SRSF4: variants seen among roughly 807,000 people sequenced by gnomAD.
SRSF4 encodes the protein serine/arginine-rich splicing factor 4.
A neutral mutation model predicts 48.8 loss-of-function variants in SRSF4; 12 were observed. That is an observed-to-expected ratio of 0.25 (90% CI 0.16 to 0.40). The LOEUF is 0.40. SRSF4 is among the 10% of genes least tolerant of loss of function. SRSF4 has a pLI of 1.00. For synonymous variants in SRSF4, 248 were observed against 232.5 expected, an observed-to-expected ratio of 1.07 and a Z score of -0.61; for missense variants, 466 against 667.1, an observed-to-expected ratio of 0.70 and a Z score of 3.32.
chr1:29,148,789 C>T lies in SRSF4; in HGVS notation c.1106G>A (p.Arg369His), dbSNP rs769961673. ...RSREESRSRS[R>H]SRSKSERSRK... ...GCTCCTCTCACTCTTGCTGCGGCTG[C>T]GACTGCGACTGCGGCTCTCCTCTCT... Residue 369 changes from arginine to histidine, a missense_variant, in exon 6 of 6, where the codon CGC (arginine) becomes CAC (histidine). Arg to His is a conservative substitution (Grantham distance 29). This residue lies in a region of SRSF4 where 402 missense variants were observed against 437.0 expected (regional missense o/e 0.92). Coordinates refer to ENST00000373795, the MANE Select transcript of SRSF4 (RefSeq NM_005626.5). The T allele has an allele frequency of 8.7e-6, 14 of 1,612,440 alleles. No individual in the cohort carries two copies. Among genetic ancestry groups the T allele is most frequent in the Admixed American group, 3.3e-5 (2 of 59,814 alleles).
Position 29,181,797 on chromosome 1 carries a change from A to AGGC in SRSF4, c.-48_-46dup. On this transcript the variant is annotated 5_prime_UTR_variant, in exon 1 of 6. Coordinates refer to ENST00000373795, the MANE Select transcript of SRSF4 (RefSeq NM_005626.5). ...GCTGGCCCCGGCCCCAGCCCCCCTT[A>AGGC]GGCGGCGGCGGGCAAAGCGAGAGCA... is the stretch of plus-strand genomic sequence containing the variant. 6.7e-7 allele frequency: 1 copy of AGGC among 1,498,532 alleles called. No individual in the cohort carries two copies. Among genetic ancestry groups the AGGC allele is most frequent in the Non-Finnish European group, 8.9e-7 (1 of 1,123,840 alleles). 92.8% of individuals were successfully genotyped at this position (1,498,532 alleles called of 1,614,324 possible). A position where few individuals can be genotyped will look rare whatever the true frequency, so the allele number is the denominator to read the frequency against.
intron 1 of SRSF4, among the ~76,000 whole-genome samples, chr1:29,178,640 G>A (rs1027083120): frequency 3.9e-5 from 6 of 152,074 alleles, no homozygotes; most frequent in Non-Finnish European, 7.4e-5. Context: ...ACAGGCCACC[G>A]CGCCCGGCCT....
chr1:29,151,680 T>C (rs950585053), intron 4 of SRSF4, among the ~76,000 whole-genome samples: 7 of 152,318 alleles, frequency 4.6e-5, no homozygotes, highest in African/African-American at 1.4e-4. Context: ...AACATGAATA[T>C]GGCCTGGGCA....
At chr1:29,179,670 A>G (rs1672925187) in intron 1 of SRSF4, among the ~76,000 whole-genome samples, 1 of 152,188 alleles carries the variant, frequency 6.6e-6, no homozygotes, top group Non-Finnish European at 1.5e-5. Flanking sequence ...CCAGAAACCT[A>G]AATTTCTTCA....
chr1:29,159,667 C>A, intron 2 of SRSF4, 181 bp from the exon 3 acceptor site: 1 of 435,258 alleles, frequency 2.3e-6, no homozygotes, highest in Non-Finnish European at 4.1e-6. Context: ...TAAATATAAA[C>A]ATTTAATTTA....
chr1:29,154,499 G>A, intron 4 of SRSF4, 197 bp downstream of exon 4: 1 of 601,428 alleles, frequency 1.7e-6, no homozygotes, highest in Non-Finnish European at 2.8e-6. Flanking sequence ...TGATTTCTAA[G>A]AGAAGGGACT....
chr1:29,149,082 G>C lies in SRSF4; in HGVS notation c.813C>G (p.Asp271Glu). 1 of 1,612,886 alleles carries C rather than the reference G, an allele frequency of 6.2e-7. No individual in the cohort carries two copies. Among genetic ancestry groups the C allele is most frequent in the Non-Finnish European group, 8.5e-7 (1 of 1,179,820 alleles). Reference sequence around the variant, plus strand: ...TGTTTTGGATCTTCTCTTCAGCTTGGTCTTTGCTCTTGCTGCGGCTCTTGC... The same window carrying C: ...TGTTTTGGATCTTCTCTTCAGCTTGCTCTTTGCTCTTGCTGCGGCTCTTGC... ...SAGKSRSKSK[D>E]QAEEKIQNND... The change falls in exon 6 of 6, where the codon GAC (aspartate) becomes GAG (glutamate). Residue 271 changes from aspartate (D) to glutamate (E), a missense_variant. Physicochemically the swap from Asp to Glu is conservative, Grantham distance 45. Around this residue, in one of 2 missense-constraint regions of SRSF4, gnomAD observed 402 missense variants for 437.0 expected, o/e 0.92. Coordinates refer to ENST00000373795, the MANE Select transcript of SRSF4 (RefSeq NM_005626.5).
At chr1:29,150,897 C>T (rs1672398933) in intron 4 of SRSF4, among the ~76,000 whole-genome samples, 3 of 152,216 alleles carry the variant, frequency 2.0e-5, no homozygotes, top group Admixed American at 2.0e-4. Flanking sequence ...GGCAAGCCAC[C>T]ATTATCTCTC....
chr1:29,148,435 C>G lies in SRSF4; in HGVS notation c.1460G>C (p.Arg487Thr), dbSNP rs750683028. Residue 487 changes from arginine (R) to threonine (T), a missense_variant, in exon 6 of 6, where the codon AGA becomes ACA. Arg to Thr is a moderately conservative substitution (Grantham distance 71). Transcript: ENST00000373795. ...RSASRSPSRS[R>T]SRSHSRS The stretch of plus-strand genomic sequence containing the variant: ...TTAGGACCTTGAGTGGGACCTAGAT[C>G]TAGATCGGGAGGGCGATCTGGAAGC... 6.2e-7 allele frequency: 1 copy of G among 1,605,972 alleles called. No individual in the cohort carries two copies. Among genetic ancestry groups the G allele is most frequent in the Admixed American group, 1.7e-5 (1 of 59,504 alleles).
chr1:29,174,470 C>T (rs1672804533), intron 1 of SRSF4, among the ~76,000 whole-genome samples: 1 of 152,006 alleles, frequency 6.6e-6, no homozygotes, highest in East Asian at 1.9e-4. Context: ...CTGATTATGT[C>T]CATTAAATAA....
chr1:29,166,601 T>A (rs994236691), intron 1 of SRSF4: 4 of 152,270 alleles, frequency 2.6e-5, no homozygotes, highest in Non-Finnish European at 4.4e-5. Flanking sequence ...TGCTACCACA[T>A]GAAATGGGTT....
intron 1 of SRSF4, chr1:29,173,177 A>G (rs1473933065): frequency 3.4e-5 from 4 of 116,572 alleles, no homozygotes; most frequent in Middle Eastern, 0.011. Context: ...TTGCTCTGTC[A>G]TCCAGGCTGG....
rs1251650715 is a variant in SRSF4 at position 29,150,110 on chromosome 1, G to A, written c.661C>T (p.Arg221Trp). The change falls in exon 5 of 6, where the codon CGG (arginine) becomes TGG (tryptophan). Residue 221 changes from arginine (R) to tryptophan (W), a missense_variant. By Grantham distance (101) the Arg-to-Trp change is moderately radical. Coordinates refer to ENST00000373795, the MANE Select transcript of SRSF4 (RefSeq NM_005626.5). Reference sequence around the variant, plus strand: ...ATAACATGGAAGACATACCTGGACCGAGATCTACTCTTAGAATGACTGCTT... The same window carrying A: ...ATAACATGGAAGACATACCTGGACCAAGATCTACTCTTAGAATGACTGCTT... The part of the protein sequence containing the change: ...SKSSHSKSRS[R>W]SRSGSRSRSK... 2 of 1,613,418 alleles carry A rather than the reference G, an allele frequency of 1.2e-6. No homozygotes were observed. Among genetic ancestry groups the A allele is most frequent in the Admixed American group, 1.7e-5 (1 of 59,978 alleles).
At chr1:29,179,086 T>C (rs1414202442) in intron 1 of SRSF4, among the ~76,000 whole-genome samples, 1 of 152,222 alleles carries the variant, frequency 6.6e-6, no homozygotes, top group East Asian at 1.9e-4. Flanking sequence ...AAAGGCTCTT[T>C]CCTCTTATCG....
chr1:29,177,277 CTT>C (rs368695927), intron 1 of SRSF4, among the ~76,000 whole-genome samples: 3 of 141,476 alleles, frequency 2.1e-5, no homozygotes, highest in South Asian at 2.2e-4. Context: ...TACAGTAACT[CTT>C]TTTGTTTTTT....
intron 1 of SRSF4, among the ~76,000 whole-genome samples, chr1:29,175,810 T>G (rs1574203346): frequency 6.6e-6 from 1 of 151,956 alleles, no homozygotes; most frequent in South Asian, 2.1e-4. Flanking sequence ...TCAAACACGC[T>G]TTTAAACAAA....
chr1:29,154,123 G>A (rs1395478748), intron 4 of SRSF4, among the ~76,000 whole-genome samples: 5 of 151,800 alleles, frequency 3.3e-5, no homozygotes, highest in East Asian at 1.9e-4. Flanking sequence ...GCACAATCTC[G>A]GCTCACTGCA....
chr1:29,177,922 C>CA (rs1351938597), intron 1 of SRSF4, among the ~76,000 whole-genome samples: 1 of 102,968 alleles, frequency 9.7e-6, no homozygotes, highest in Non-Finnish European at 1.8e-5. Flanking sequence ...TTTTTTGAGA[C>CA]AGAGTCTTGC....
intron 1 of SRSF4, among the ~76,000 whole-genome samples, chr1:29,174,162 G>A (rs1672797487): frequency 6.7e-6 from 1 of 150,230 alleles, no homozygotes. Context: ...GCACTGCACT[G>A]CAGCCTGGGA....
Sources: gnomAD v4.1 joint callset for allele counts (sites outside exome capture counted in the v4.1 genomes callset) on GRCh38, gnomAD v4.1.1 for gene constraint, gnomAD v4.1.1 regional missense constraint, MANE v1.5 for transcripts, NCBI Gene and HGNC (gene_info 2026-07-23, HGNC 2026-07-21) for gene names.